TOPBP1: variants seen among roughly 807,000 people sequenced by gnomAD.
TOPBP1 encodes DNA topoisomerase 2-binding protein 1.
Under a neutral mutation model 167.7 loss-of-function variants are expected in TOPBP1, and 28 were observed. That is an observed-to-expected ratio of 0.17 (90% CI 0.12 to 0.23). The LOEUF is 0.23. Ranked by LOEUF, TOPBP1 falls within the 10% of genes least tolerant of loss-of-function variation. The pLI, the probability that TOPBP1 is intolerant of heterozygous loss-of-function variation, is 1.00. For missense variants in TOPBP1, 1,554 were observed against 1,809.6 expected, an observed-to-expected ratio of 0.86 and a Z score of 2.56; for synonymous variants, 598 against 611.4, an observed-to-expected ratio of 0.98 and a Z score of 0.32.
intron 10 of TOPBP1, among the ~76,000 whole-genome samples, chr3:133,644,670 G>C (rs985140622): frequency 1.3e-5 from 2 of 152,132 alleles, no homozygotes; most frequent in Non-Finnish European, 2.9e-5. Context: ...TCCAAAACTG[G>C]TTTAGATGAT....
rs769957759 is a variant in TOPBP1, at chr3:133,653,490, T to C, written c.777A>G (p.Val259=). ...QKYECAKRWN[V]HCVTTQWFFD... ...AAAACCACTGTGTGGTCACACAGTGTACATTCCATCTCTTGGCACACTCAT... is the reference window on the plus strand; with the variant it reads ...AAAACCACTGTGTGGTCACACAGTGCACATTCCATCTCTTGGCACACTCAT... The change falls in exon 7 of 28, where the codon GTA becomes GTG. Residue 259 remains valine (V), a synonymous_variant. Coordinates refer to ENST00000260810, the MANE Select transcript of TOPBP1 (RefSeq NM_007027.4). 4 of 1,604,740 alleles carry C rather than the reference T, an allele frequency of 2.5e-6. No homozygotes were observed. Among genetic ancestry groups the C allele is most frequent in the African/African-American group, 1.3e-5 (1 of 74,338 alleles).
chr3:133,643,913 T>C, intron 11 of TOPBP1, 107 bp downstream of exon 11: 2 of 1,176,324 alleles, frequency 1.7e-6, no homozygotes, highest in Non-Finnish European at 2.4e-6. Flanking sequence ...AGTGTTCAAG[T>C]CCAAGCATTG....
intron 14 of TOPBP1, among the ~76,000 whole-genome samples, chr3:133,637,559 A>G (rs1461236863): frequency 1.3e-5 from 2 of 152,236 alleles, no homozygotes; most frequent in South Asian, 2.1e-4. Context: ...GAATTTTCAG[A>G]GCAAATATTA....
At position 133,620,176 on chromosome 3, in the gene TOPBP1, C is replaced by T; in HGVS notation, c.3350G>A (p.Ser1117Asn). ...ACACCTCAGTGCCTCTAGGACTCTA[C>T]TTCGTCCACTGCGAGCAGAGCGAGT... ...DSTRSARSGR[S>N]RVLEALRQSR... Residue 1117 changes from serine to asparagine, a missense_variant, in exon 20 of 28, where the codon AGT becomes AAT. By Grantham distance (46) the Ser-to-Asn change is conservative. Transcript: ENST00000260810. 5 of 1,613,570 alleles carry T rather than the reference C, an allele frequency of 3.1e-6. No individual in the cohort carries two copies. The highest frequency in any genetic ancestry group is 4.2e-6 in the Non-Finnish European group (5 of 1,179,678).
intron 16 of TOPBP1, among the ~76,000 whole-genome samples, chr3:133,626,734 A>C (rs565136261): frequency 6.6e-6 from 1 of 152,342 alleles, no homozygotes; most frequent in Admixed American, 6.5e-5. Context: ...CTTAGGCATT[A>C]TACATAACTG....
intron 3 of TOPBP1, among the ~76,000 whole-genome samples, chr3:133,658,202 G>A (rs772879399): frequency 1.3e-5 from 2 of 152,206 alleles, no homozygotes; most frequent in African/African-American, 2.4e-5. Context: ...AGTGGCTCAC[G>A]CCTGTAATGC....
rs1465409117 is a variant in TOPBP1, at chr3:133,611,011, A to G, written c.4166T>C (p.Ile1389Thr). The change falls in exon 25 of 28, where the codon ATT (isoleucine) becomes ACT (threonine). Residue 1389 changes from isoleucine to threonine, a missense_variant. Around this residue, in one of 3 missense-constraint regions of TOPBP1, gnomAD observed 351 missense variants for 432.9 expected, o/e 0.81. Transcript: ENST00000260810. ...ATAATTGTGTTTTAATACCTCAACAATGCCAGATTCTTGTCTTTGCTGGAT... is the reference window on the plus strand; with the variant it reads ...ATAATTGTGTTTTAATACCTCAACAGTGCCAGATTCTTGTCTTTGCTGGAT... ...KKIQQRQESG[I>T]VEGAFSGWKV... 2 of 1,612,004 alleles carry G rather than the reference A, an allele frequency of 1.2e-6. No homozygotes were observed. Among genetic ancestry groups the G allele is most frequent in the South Asian group, 1.1e-5 (1 of 90,728 alleles).
chr3:133,639,623 G>T (rs903766439), intron 13 of TOPBP1, among the ~76,000 whole-genome samples: 4 of 152,066 alleles, frequency 2.6e-5, no homozygotes, highest in Admixed American at 6.6e-5. Context: ...AAAATGAAAG[G>T]CTTCCCAGGG....
chr3:133,617,443 A>C (rs1161395520), intron 21 of TOPBP1, 117 bp from the exon 22 acceptor site: 1 of 1,223,418 alleles, frequency 8.2e-7, no homozygotes, highest in Non-Finnish European at 1.1e-6. Context: ...TCTGGAATGT[A>C]AAAAGTACAG....
intron 7 of TOPBP1, 23 bp from the exon 8 acceptor site, chr3:133,652,652 A>C: frequency 6.4e-7 from 1 of 1,554,720 alleles, no homozygotes; most frequent in Non-Finnish European, 8.7e-7. Context: ...AAAACGTATA[A>C]ATTTATGGGA....
chr3:133,659,760 A>T (rs920789944), intron 2 of TOPBP1, among the ~76,000 whole-genome samples: 21 of 108,236 alleles, frequency 1.9e-4, no homozygotes, highest in Non-Finnish European at 3.5e-4. Context: ...AAAAATACGT[A>T]TTTATATATA....
At chr3:133,618,881 G>A (rs1934986537) in intron 20 of TOPBP1, among the ~76,000 whole-genome samples, 1 of 151,802 alleles carries the variant, frequency 6.6e-6, no homozygotes, top group Non-Finnish European at 1.5e-5. Context: ...TTACATGGGA[G>A]GCTTGCTGTA....
chr3:133,655,416 A>C lies in TOPBP1; in HGVS notation c.616T>G (p.Cys206Gly). ...TCTAAGCCACATAAGCCAGTCACAC[A>C]GATTATGCAACCAAGAAAAATAGGA... ...KCPIFLGCIICVTGLCGLDRK... is the reference protein window; with the variant it reads ...KCPIFLGCIIGVTGLCGLDRK... Residue 206 changes from cysteine to glycine, a missense_variant, in exon 6 of 28, where the codon TGT becomes GGT. Physicochemically the swap from Cys to Gly is radical, Grantham distance 159. Around this residue, in one of 3 missense-constraint regions of TOPBP1, gnomAD observed 1,197 missense variants for 1,351.5 expected, o/e 0.89. Transcript: ENST00000260810. 6.2e-7 allele frequency: 1 copy of C among 1,603,526 alleles called. No homozygotes were observed. Among genetic ancestry groups the C allele is most frequent in the Non-Finnish European group, 8.5e-7 (1 of 1,175,144 alleles).
chr3:133,603,227 A>C (rs898461603), intron 27 of TOPBP1, among the ~76,000 whole-genome samples: 49 of 152,236 alleles, frequency 3.2e-4, no homozygotes, highest in Middle Eastern at 3.4e-3. Flanking sequence ...ACATATAAAC[A>C]CTTCTCCCTC....
rs751832186 is a variant in TOPBP1, at chr3:133,652,139, A to T, written c.1089+324T>A. On this transcript the variant is annotated intron_variant, in intron 8 of 27. Coordinates refer to ENST00000260810, the MANE Select transcript of TOPBP1 (RefSeq NM_007027.4). ...AGTGAGACCCTAACTCAAAAAAATT[A>T]AAAAAAAAAAATCCAATAAGTTGTT... is the stretch of plus-strand genomic sequence containing the variant. Among the ~76,000 whole-genome samples the T allele has an allele frequency of 7.0e-4, 75 of 106,608 alleles. 1 individual carries two copies. The highest frequency in any genetic ancestry group is 4.9e-3 in the Middle Eastern group (1 of 206). The allele number at this position is 106,608 out of a possible 152,430, so 69.9% of individuals were successfully genotyped here. A position where few individuals can be genotyped will look rare whatever the true frequency, so the allele number is the denominator to read the frequency against.
chr3:133,637,224 G>A (rs1351883078), intron 14 of TOPBP1, among the ~76,000 whole-genome samples: 1 of 152,100 alleles, frequency 6.6e-6, no homozygotes, highest in African/African-American at 2.4e-5. Flanking sequence ...GGTTTGAACA[G>A]CCACTTAAGA....
chr3:133,622,201 T>C (rs1935114860), intron 19 of TOPBP1, among the ~76,000 whole-genome samples: 1 of 149,594 alleles, frequency 6.7e-6, no homozygotes, highest in African/African-American at 2.5e-5. Context: ...TTTTTTTTTT[T>C]TTTTTGAGAC....
At chr3:133,650,507 T>C (rs1360977985) in intron 8 of TOPBP1, among the ~76,000 whole-genome samples, 1 of 152,036 alleles carries the variant, frequency 6.6e-6, no homozygotes, top group Non-Finnish European at 1.5e-5. Flanking sequence ...AAAATATATA[T>C]AAGTCAAAGA....
intron 25 of TOPBP1, 126 bp downstream of exon 25, chr3:133,610,878 A>G: frequency 4.6e-6 from 5 of 1,089,926 alleles, no homozygotes; most frequent in Non-Finnish European, 6.4e-6. Context: ...AAGAGCCATC[A>G]AAAATTTGGG....
Sources: allele counts gnomAD v4.1 joint callset (sites outside exome capture counted in the v4.1 genomes callset), GRCh38; gene constraint gnomAD v4.1.1; regional missense constraint gnomAD v4.1.1; transcripts MANE v1.5; gene names NCBI Gene and HGNC (gene_info 2026-07-23, HGNC 2026-07-21).